Variants in KDM2B observed in about 807,000 individuals in gnomAD.
The protein encoded by KDM2B is lysine-specific demethylase 2B.
In KDM2B, 26 loss-of-function variants were observed where a neutral mutation model predicts 150.0. The observed-to-expected ratio is 0.17, with a 90% confidence interval of 0.13 to 0.24. The LOEUF is 0.24. Ranked by LOEUF, KDM2B falls within the 10% of genes least tolerant of loss-of-function variation. The probability of loss-of-function intolerance (pLI) is 1.00; values close to 1 mark genes in which losing one functional copy is unlikely to be tolerated. For synonymous variants in KDM2B, 734 were observed against 729.5 expected, an observed-to-expected ratio of 1.01 and a Z score of -0.10; for missense variants, 1,265 against 1,816.9, an observed-to-expected ratio of 0.70 and a Z score of 5.52.
intron 12 of KDM2B, among the ~76,000 whole-genome samples, chr12:121,479,456 G>C (rs559059321): frequency 5.5e-5 from 6 of 109,036 alleles, no homozygotes; most frequent in Non-Finnish European, 1.1e-4. Flanking sequence ...GACAGAGCGA[G>C]ACCCTGTCTC....
Position 121,509,561 on chromosome 12 carries a change from G to A in KDM2B, c.1647+6C>T, listed in dbSNP as rs377541303. 19 of 1,610,800 alleles carry A rather than the reference G, an allele frequency of 1.2e-5. No individual in the cohort carries two copies. The African/African-American group carries it at 2.4e-4, about 20-fold the overall frequency. On this transcript the variant is annotated splice_donor_region_variant and intron_variant, in intron 11 of 22. Coordinates refer to ENST00000377071, the MANE Select transcript of KDM2B (RefSeq NM_032590.5). ...CCGCCCAGCCCCAGACGCCACTCCT[G>A]CCCACCTTCACACCCTCCAGGAGTG... is the stretch of plus-strand genomic sequence containing the variant.
intron 12 of KDM2B, among the ~76,000 whole-genome samples, chr12:121,471,244 A>G (rs561249000): frequency 4.5e-4 from 69 of 152,146 alleles, no homozygotes; most frequent in African/African-American, 1.2e-3. Flanking sequence ...TCCTCCCCCA[A>G]TTCCACTGGG....
chr12:121,507,484 T>C (rs1374398038), intron 11 of KDM2B, among the ~76,000 whole-genome samples: 3 of 152,202 alleles, frequency 2.0e-5, no homozygotes, highest in Non-Finnish European at 4.4e-5. Flanking sequence ...GAGCTGCCCG[T>C]GATTCCCCTG....
At chr12:121,431,149 G>C (rs1277455273) in intron 22 of KDM2B, among the ~76,000 whole-genome samples, 2 of 145,204 alleles carry the variant, frequency 1.4e-5, no homozygotes, top group Admixed American at 6.9e-5. Context: ...TTTTTTTTTT[G>C]AGACAGAGTC....
At chr12:121,494,512 G>T in intron 12 of KDM2B, 67 bp downstream of exon 12, 1 of 1,286,672 alleles carries the variant, frequency 7.8e-7, no homozygotes, top group Non-Finnish European at 1.1e-6. Context: ...AGTCGCGGCT[G>T]TTCACCCTAC....
chr12:121,465,713 C>T (rs1289377117), intron 12 of KDM2B, among the ~76,000 whole-genome samples: 1 of 152,102 alleles, frequency 6.6e-6, no homozygotes, highest in Non-Finnish European at 1.5e-5. Flanking sequence ...CCTGAAACAC[C>T]AAAGCTCAGT....
At chr12:121,475,142 TTCTTCAGAATGTA>T (rs1881205599) in intron 12 of KDM2B, among the ~76,000 whole-genome samples, 1 of 151,794 alleles carries the variant, frequency 6.6e-6, no homozygotes, top group Admixed American at 6.6e-5. Context: ...TAATGATGCA[TTCTTCAGAATGTA>T]TCCCTGTCAT....
chr12:121,533,121 G>A lies in KDM2B; in HGVS notation c.778-162C>T, dbSNP rs915250397. Among the ~76,000 whole-genome samples the A allele has an allele frequency of 1.3e-5, 2 of 152,186 alleles. No individual in the cohort carries two copies. The highest frequency in any genetic ancestry group is 4.8e-5 in the African/African-American group (2 of 41,446). ...TCCATCCCTCTGGACTCTCTGCAAG[G>A]CCAGGTCCCTAGAGCCTCTGGGGAG... On this transcript the variant is annotated intron_variant, in intron 7 of 22. Coordinates refer to ENST00000377071, the MANE Select transcript of KDM2B (RefSeq NM_032590.5). This position sits in a 1 kb window ranked among gnomAD's most constrained non-coding sequence, Gnocchi z 4.1.
intron 12 of KDM2B, among the ~76,000 whole-genome samples, chr12:121,480,583 C>CAAAAAAAA (rs35490517): frequency 3.2e-5 from 2 of 63,238 alleles, no homozygotes; most frequent in African/African-American, 5.5e-5. Context: ...CTGTCGCTAC[C>CAAAAAAAA]AAAAAAAAAA....
At chr12:121,455,370 A>C (rs2138900973) in intron 12 of KDM2B, among the ~76,000 whole-genome samples, 1 of 152,302 alleles carries the variant, frequency 6.6e-6, no homozygotes, top group East Asian at 1.9e-4. Flanking sequence ...AGGGCCACCC[A>C]CAGGCAAGCT....
At chr12:121,486,113 C>T (rs1164538785) in intron 12 of KDM2B, among the ~76,000 whole-genome samples, 4 of 146,876 alleles carry the variant, frequency 2.7e-5, no homozygotes, top group Admixed American at 6.8e-5. Context: ...TATTTTACCA[C>T]ATTTTTTTTT....
chr12:121,535,591 T>C (rs1888023739), intron 6 of KDM2B, among the ~76,000 whole-genome samples: 1 of 152,110 alleles, frequency 6.6e-6, no homozygotes, highest in Non-Finnish European at 1.5e-5. Flanking sequence ...TATAAACAAG[T>C]AAAGAATTTA....
chr12:121,424,606 G>A (rs1036344010), downstream of KDM2B, among the ~76,000 whole-genome samples: 1 of 151,836 alleles, frequency 6.6e-6, no homozygotes, highest in South Asian at 2.1e-4. Flanking sequence ...AGCTACTCAG[G>A]AGGCTGAGGT....
rs1880332856 is a variant in KDM2B, at chr12:121,468,168, G to A, written c.1735-14824C>T. The A allele has an allele frequency of 6.6e-6, 1 of 152,362 alleles. No homozygotes were observed. The highest frequency in any genetic ancestry group is 1.5e-5 in the Non-Finnish European group (1 of 68,154). The allele number at this position is 152,362 out of a possible 1,614,324, so 9.4% of individuals were successfully genotyped here. A position where few individuals can be genotyped will look rare whatever the true frequency, so the allele number is the denominator to read the frequency against. On this transcript the variant is annotated intron_variant, in intron 12 of 22. Coordinates refer to ENST00000377071, the MANE Select transcript of KDM2B (RefSeq NM_032590.5). This position sits in a 1 kb window ranked among gnomAD's most constrained non-coding sequence, Gnocchi z 4.0. ...GGAGGACGTCGCAGGCCAGAACCCA[G>A]CTCTCCTAGGAGACTGGCTGCCCCT...
rs562658798 is a variant in KDM2B, at chr12:121,434,994, T to A, written c.3830-4525A>T. On this transcript the variant is annotated intron_variant, in intron 22 of 22. Transcript: ENST00000377071. ...TGGGAAATTTTTCATGACATTAGAC[T>A]TTGCAAAGATTGATATGACACCAAA... Among the ~76,000 whole-genome samples the A allele has an allele frequency of 2.0e-5, 3 of 150,836 alleles. No individual in the cohort carries two copies. The South Asian group carries it at 6.3e-4, about 32-fold the overall frequency.
intron 13 of KDM2B, among the ~76,000 whole-genome samples, chr12:121,451,255 T>C (rs1877220597): frequency 6.6e-6 from 1 of 152,176 alleles, no homozygotes; most frequent in South Asian, 2.1e-4. Context: ...ATGATAAATA[T>C]ATTTTCCTTA....
intron 12 of KDM2B, chr12:121,469,947 A>T (rs1216627040): frequency 2.0e-5 from 3 of 152,030 alleles, no homozygotes; most frequent in African/African-American, 7.2e-5. Flanking sequence ...AAATACAAAA[A>T]TTAACAGGTC....
chr12:121,444,046 T>G lies in KDM2B; in HGVS notation c.2417A>C (p.Tyr806Ser), dbSNP rs782323065. 15 of 1,613,442 alleles carry G rather than the reference T, an allele frequency of 9.3e-6. No homozygotes were observed. In the Admixed American group the frequency reaches 1.8e-4, roughly 20 times the overall value. Residue 806 changes from tyrosine to serine, a missense_variant, in exon 16 of 23, where the codon TAC (tyrosine) becomes TCC (serine). Physicochemically the swap from Tyr to Ser is moderately radical, Grantham distance 144. Around this residue, in one of 11 missense-constraint regions of KDM2B, gnomAD observed 418 missense variants for 402.4 expected, o/e 1.04. Coordinates refer to ENST00000377071, the MANE Select transcript of KDM2B (RefSeq NM_032590.5). Reference protein sequence around the residue: ...DDVHLRKKRKYEKPQELSGRK... With the variant: ...DDVHLRKKRKSEKPQELSGRK... ...TCCACTCAGCTCCTGGGGCTTCTCG[T>G]ATTTCCGCTTCTTCCTCAGGTGCAC...
intron 9 of KDM2B, among the ~76,000 whole-genome samples, chr12:121,515,632 T>G (rs151014557): frequency 0.013 from 2,012 of 150,712 alleles, 45 homozygotes; most frequent in African/African-American, 0.047. Context: ...CGTTCTCCTT[T>G]TGCCCTAAAA....
Sources: gnomAD v4.1 joint callset for allele counts (sites outside exome capture counted in the v4.1 genomes callset) on GRCh38, gnomAD v4.1.1 for gene constraint, gnomAD v4.1.1 regional missense constraint, Gnocchi (gnomAD v3.1) non-coding constraint, MANE v1.5 for transcripts, NCBI Gene and HGNC (gene_info 2026-07-23, HGNC 2026-07-21) for gene names.